Variants in KHDRBS2 observed in about 807,000 individuals in gnomAD.
KHDRBS2 encodes the protein KH RNA binding domain containing, signal transduction associated 2.
KHDRBS2 carries 26 observed loss-of-function variants against 44.3 expected under a neutral mutation model. The ratio of observed to expected loss-of-function variants is 0.59; its 90% confidence interval spans 0.43 to 0.81. KHDRBS2 has a LOEUF of 0.81. KHDRBS2 is among the 40% of genes least tolerant of loss of function. KHDRBS2 has a pLI of 0.00. For missense variants in KHDRBS2, 476 were observed against 433.1 expected (o/e 1.10, Z -0.88); for synonymous variants, 194 against 151.1 (o/e 1.28, Z -2.08).
chr6:62,246,529 T>C (rs1193370047), intron 1 of KHDRBS2, among the ~76,000 whole-genome samples: 2 of 152,058 alleles, frequency 1.3e-5, no homozygotes, highest in Non-Finnish European at 2.9e-5. Context: ...AAACTTTAAA[T>C]ATCCTGCTTT....
At chr6:62,222,178 G>A (rs1179508293) in intron 1 of KHDRBS2, among the ~76,000 whole-genome samples, 1 of 151,980 alleles carries the variant, frequency 6.6e-6, no homozygotes, top group Admixed American at 6.6e-5. Flanking sequence ...TCACGCCTTA[G>A]TATTTTGCAT....
chr6:62,117,625 A>G (rs1311042353), intron 2 of KHDRBS2, among the ~76,000 whole-genome samples: 1 of 151,848 alleles, frequency 6.6e-6, no homozygotes, highest in Non-Finnish European at 1.5e-5. Flanking sequence ...TCCCATTTCT[A>G]TATTTTTGCT....
At chr6:62,183,484 T>C (rs1822774723) in intron 1 of KHDRBS2, among the ~76,000 whole-genome samples, 1 of 151,534 alleles carries the variant, frequency 6.6e-6, no homozygotes. Context: ...TTATAGAGGG[T>C]GAATTACATG....
At chr6:61,816,515 T>C (rs1256556569) in intron 6 of KHDRBS2, 4 of 342,904 alleles carry the variant, frequency 1.2e-5, no homozygotes, top group African/African-American at 4.3e-5. Context: ...GGAAAGATTC[T>C]ACCCTGTGTC....
chr6:62,174,174 C>G (rs1276361177), intron 2 of KHDRBS2, among the ~76,000 whole-genome samples: 1 of 151,770 alleles, frequency 6.6e-6, no homozygotes, highest in Non-Finnish European at 1.5e-5. Context: ...AGTCTCTTCT[C>G]AAAAGCTCCT....
intron 6 of KHDRBS2, among the ~76,000 whole-genome samples, chr6:61,810,161 C>A (rs1346378705): frequency 6.6e-6 from 1 of 151,988 alleles, no homozygotes. Context: ...AGTGGGTCAC[C>A]AGTGAGTGTC....
At chr6:62,054,733 C>T (rs1028378762) in intron 2 of KHDRBS2, among the ~76,000 whole-genome samples, 1 of 151,944 alleles carries the variant, frequency 6.6e-6, no homozygotes, top group African/African-American at 2.4e-5. Context: ...CAGATTCTGC[C>T]CTAGAGCCTC....
chr6:61,802,823 G>A (rs1357319151), intron 6 of KHDRBS2, among the ~76,000 whole-genome samples: 2 of 152,030 alleles, frequency 1.3e-5, no homozygotes, highest in Non-Finnish European at 2.9e-5. Flanking sequence ...TCTTAGCTAA[G>A]GCCTGAAAGG....
At chr6:61,568,895 C>G in the KHDRBS2 span, among the ~76,000 whole-genome samples, 1 of 152,160 alleles carries the variant, frequency 6.6e-6, no homozygotes, top group African/African-American at 2.4e-5. Context: ...ACAATTTTGA[C>G]TGAGCATGAA....
chr6:61,602,462 G>A, the KHDRBS2 span, among the ~76,000 whole-genome samples: 22 of 152,188 alleles, frequency 1.4e-4, no homozygotes, highest in South Asian at 8.3e-4. Context: ...AGGATCCCAC[G>A]GAAAATTGGA....
chr6:62,051,483 T>C (rs754182056), intron 2 of KHDRBS2, among the ~76,000 whole-genome samples: 2 of 151,998 alleles, frequency 1.3e-5, no homozygotes, highest in African/African-American at 2.4e-5. Flanking sequence ...TTGTGTTCTA[T>C]TGGTGCCCTT....
chr6:61,812,401 T>C (rs1409890653), intron 6 of KHDRBS2, among the ~76,000 whole-genome samples: 1 of 152,108 alleles, frequency 6.6e-6, no homozygotes, highest in Admixed American at 6.6e-5. Flanking sequence ...ACAATGCTTA[T>C]TAAATGCCAG....
At chr6:62,087,965 T>C (rs1798727917) in intron 2 of KHDRBS2, among the ~76,000 whole-genome samples, 1 of 152,216 alleles carries the variant, frequency 6.6e-6, no homozygotes, top group African/African-American at 2.4e-5. Context: ...CTGATATCCT[T>C]TCTTCTGCTT....
chr6:62,066,729 G>C (rs1297612854), intron 2 of KHDRBS2, among the ~76,000 whole-genome samples: 1 of 151,560 alleles, frequency 6.6e-6, no homozygotes, highest in Non-Finnish European at 1.5e-5. Flanking sequence ...TTTTCTAGGG[G>C]ACATAGAAGC....
chr6:61,842,368 A>T (rs1793718470), intron 6 of KHDRBS2, among the ~76,000 whole-genome samples: 1 of 152,194 alleles, frequency 6.6e-6, no homozygotes, highest in South Asian at 2.1e-4. Flanking sequence ...AATGAGACAC[A>T]AACATACATT....
At chr6:61,780,529 C>A (rs1274436179) in intron 6 of KHDRBS2, among the ~76,000 whole-genome samples, 2 of 146,848 alleles carry the variant, frequency 1.4e-5, no homozygotes, top group Non-Finnish European at 3.0e-5. Flanking sequence ...ATAAAATAAG[C>A]AAAACAAACA....
At position 61,775,900 on chromosome 6, in the gene KHDRBS2, G is replaced by T. The variant is rs1286175598; in HGVS notation, c.811-43136C>A. ...TACCTGACTTCAAATATACTACAAG[G>T]CCACAGTAACCAAAACAGCATGGTA... On this transcript the variant is annotated intron_variant, in intron 6 of 8. Transcript: ENST00000281156. 3.3e-5 allele frequency among the ~76,000 whole-genome samples: 5 copies of T among 152,122 alleles called. No individual in the cohort carries two copies. The East Asian group carries it at 5.8e-4, about 18-fold the overall frequency.
At chr6:62,125,304 G>A (rs938477099) in intron 2 of KHDRBS2, among the ~76,000 whole-genome samples, 2 of 152,176 alleles carry the variant, frequency 1.3e-5, no homozygotes, top group African/African-American at 4.8e-5. Context: ...GGAGGATTTA[G>A]ACCTACCCAG....
chr6:62,089,016 A>C (rs1798969807), intron 2 of KHDRBS2, among the ~76,000 whole-genome samples: 1 of 152,096 alleles, frequency 6.6e-6, no homozygotes, highest in African/African-American at 2.4e-5. Context: ...CTTTGTTTAC[A>C]CTGTGAGGGG....
Sources: allele counts gnomAD v4.1 joint callset (sites outside exome capture counted in the v4.1 genomes callset), GRCh38; gene constraint gnomAD v4.1.1; transcripts MANE v1.5; gene names NCBI Gene and HGNC (gene_info 2026-07-23, HGNC 2026-07-21).